NRXN3: variants seen among roughly 807,000 people sequenced by gnomAD.
NRXN3 encodes neurexin 3.
In NRXN3, 32 loss-of-function variants were observed where a neutral mutation model predicts 137.6. The ratio of observed to expected loss-of-function variants is 0.23; its 90% confidence interval spans 0.18 to 0.31. NRXN3 has a LOEUF of 0.31. Among genes scored for constraint, NRXN3 ranks in the 10% least tolerant of loss-of-function variants. The pLI is 1.00. For missense variants in NRXN3, 1,574 were observed against 2,062.5 expected (o/e 0.76, Z 4.59); for synonymous variants, 798 against 784.5 (o/e 1.02, Z -0.29).
chr14:78,506,092 T>G (rs376474095), intron 4 of NRXN3, among the ~76,000 whole-genome samples: 1 of 152,176 alleles, frequency 6.6e-6, no homozygotes, highest in Non-Finnish European at 1.5e-5. Flanking sequence ...AATTTATTCA[T>G]TGAGCCTATA....
chr14:78,737,375 C>T (rs1284336358), intron 8 of NRXN3, among the ~76,000 whole-genome samples: 1 of 152,128 alleles, frequency 6.6e-6, no homozygotes, highest in Non-Finnish European at 1.5e-5. Flanking sequence ...AGAGTTGGCC[C>T]TAAGGCACCT....
intron 18 of NRXN3, among the ~76,000 whole-genome samples, chr14:79,695,552 C>T (rs2098732426): frequency 6.6e-6 from 1 of 150,892 alleles, no homozygotes; most frequent in African/African-American, 2.4e-5. Context: ...TGTTAAGCTG[C>T]TTCAAATGCC....
chr14:78,440,058 C>T (rs905752572), intron 4 of NRXN3, among the ~76,000 whole-genome samples: 2 of 152,222 alleles, frequency 1.3e-5, no homozygotes, highest in Non-Finnish European at 2.9e-5. Context: ...GTATGAGGGG[C>T]CTCATGCAGG....
At position 79,867,870 on chromosome 14, in the gene NRXN3, G is replaced by A. The variant is rs2099418648; in HGVS notation, c.*5906G>A. Reference sequence around the variant, plus strand: ...CAGTGTTAGGGTTGCATGAGAGTGAGGGCATATAAGACAACAACAGCTAAA... The same window carrying A: ...CAGTGTTAGGGTTGCATGAGAGTGAAGGCATATAAGACAACAACAGCTAAA... On this transcript the variant is annotated 3_prime_UTR_variant, in exon 21 of 21. Transcript: ENST00000335750. 6.6e-6 allele frequency: 1 copy of A among 152,076 alleles called. No homozygotes were observed. Among genetic ancestry groups the A allele is most frequent in the South Asian group, 2.1e-4 (1 of 4,812 alleles). 9.4% of individuals were successfully genotyped at this position (152,076 alleles called of 1,614,324 possible).
At chr14:79,391,679 A>G (rs928250438) in intron 15 of NRXN3, among the ~76,000 whole-genome samples, 4 of 152,232 alleles carry the variant, frequency 2.6e-5, no homozygotes, top group Non-Finnish European at 2.9e-5. Flanking sequence ...ATGGCCAAAT[A>G]CATTGGGACT....
chr14:79,769,188 G>A (rs1568181500), intron 19 of NRXN3, among the ~76,000 whole-genome samples: 1 of 148,370 alleles, frequency 6.7e-6, no homozygotes, highest in Non-Finnish European at 1.5e-5. Context: ...AACCAAGTTG[G>A]AAAACACTCT....
At chr14:79,471,158 C>T (rs1296159118) in intron 16 of NRXN3, among the ~76,000 whole-genome samples, 1 of 152,048 alleles carries the variant, frequency 6.6e-6, no homozygotes, top group African/African-American at 2.4e-5. Context: ...AGAAAATGCT[C>T]TTCCAAGAAC....
intron 15 of NRXN3, among the ~76,000 whole-genome samples, chr14:79,053,425 G>A (rs1477466551): frequency 1.3e-5 from 2 of 152,188 alleles, no homozygotes; most frequent in African/African-American, 2.4e-5. Context: ...TGGCTCCAAA[G>A]CTCTTGCTTT....
chr14:79,780,469 C>T (rs1468487311), intron 19 of NRXN3, among the ~76,000 whole-genome samples: 1 of 151,418 alleles, frequency 6.6e-6, no homozygotes, highest in Non-Finnish European at 1.5e-5. Context: ...ATTAGCCAGG[C>T]GTGGTGGTGG....
intron 15 of NRXN3, among the ~76,000 whole-genome samples, chr14:79,243,720 C>T (rs2074685129): frequency 6.6e-6 from 1 of 152,004 alleles, no homozygotes; most frequent in Non-Finnish European, 1.5e-5. Flanking sequence ...GCATTTGTAA[C>T]ACAATGGTAA....
chr14:78,581,022 G>C (rs1029720243), intron 4 of NRXN3, among the ~76,000 whole-genome samples: 9 of 152,186 alleles, frequency 5.9e-5, no homozygotes, highest in Non-Finnish European at 1.2e-4. Context: ...CTATATGCCA[G>C]GTACTCTATA....
At chr14:78,899,356 G>T (rs1255921658) in intron 10 of NRXN3, among the ~76,000 whole-genome samples, 1 of 151,922 alleles carries the variant, frequency 6.6e-6, no homozygotes, top group Non-Finnish European at 1.5e-5. Context: ...CCAAGAATTT[G>T]TTCCTCCTGA....
chr14:79,441,328 C>T (rs909941678), intron 15 of NRXN3, among the ~76,000 whole-genome samples: 1 of 120,984 alleles, frequency 8.3e-6, no homozygotes, highest in African/African-American at 3.1e-5. Flanking sequence ...GCTGTCCAAA[C>T]AAAATGCTGA....
chr14:79,631,670 G>A (rs1033063786), intron 16 of NRXN3, among the ~76,000 whole-genome samples: 2 of 134,984 alleles, frequency 1.5e-5, no homozygotes, highest in Non-Finnish European at 3.1e-5. Context: ...GTGGAGTGGG[G>A]ACCTGGACAA....
At chr14:78,636,584 C>T (rs72683567) in intron 4 of NRXN3, among the ~76,000 whole-genome samples, 9,275 of 152,098 alleles carry the variant, frequency 0.061, 340 homozygotes, top group Middle Eastern at 0.15. Context: ...CGTGGAGTCA[C>T]GGGGGCAGGA....
intron 16 of NRXN3, among the ~76,000 whole-genome samples, chr14:79,558,219 T>C (rs1242387619): frequency 6.6e-6 from 1 of 152,164 alleles, no homozygotes; most frequent in East Asian, 1.9e-4. Flanking sequence ...TTTTTCAAAG[T>C]CTTAGTAATG....
At chr14:79,072,336 A>G (rs1491002216) in intron 15 of NRXN3, 1 of 152,224 alleles carries the variant, frequency 6.6e-6, no homozygotes, top group Non-Finnish European at 1.5e-5. Context: ...CTGTGTTTGC[A>G]GTCTTGTTAA....
At chr14:78,185,810 C>G (rs936660479) in intron 1 of NRXN3, among the ~76,000 whole-genome samples, 7 of 152,264 alleles carry the variant, frequency 4.6e-5, no homozygotes, top group Non-Finnish European at 8.8e-5. Flanking sequence ...TTGGTTGGAC[C>G]AACATGGATC....
chr14:79,062,628 G>A (rs923453683), intron 15 of NRXN3, among the ~76,000 whole-genome samples: 1 of 152,148 alleles, frequency 6.6e-6, no homozygotes, highest in Admixed American at 6.5e-5. Flanking sequence ...TGCGTCTCTG[G>A]TGCTTGTGCA....
Sources: gnomAD v4.1 joint callset for allele counts (sites outside exome capture counted in the v4.1 genomes callset) on GRCh38, gnomAD v4.1.1 for gene constraint, MANE v1.5 for transcripts, NCBI Gene and HGNC (gene_info 2026-07-23, HGNC 2026-07-21) for gene names.